Variants in LAMC1 observed in about 807,000 individuals in gnomAD.
The protein encoded by LAMC1 is laminin subunit gamma-1.
LAMC1 carries 38 observed loss-of-function variants against 173.6 expected under a neutral mutation model. The ratio of observed to expected loss-of-function variants is 0.22; its 90% CI spans 0.17 to 0.29. The LOEUF (loss-of-function observed/expected upper bound fraction) is 0.29. LAMC1 is among the 10% of genes least tolerant of loss of function. The pLI, the probability that LAMC1 is intolerant of heterozygous loss-of-function variation, is 1.00. For synonymous variants in LAMC1, 746 were observed against 749.1 expected (o/e 1.00, Z 0.07); for missense variants, 1,824 against 2,051.8 (o/e 0.89, Z 2.14).
In LAMC1 at chr1:183,024,152, C is replaced by T. The variant is rs762094008; in HGVS notation, c.418+18C>T. 2.6e-6 allele frequency: 4 copies of T among 1,533,278 alleles called. No homozygotes were observed. The highest frequency in any genetic ancestry group is 2.7e-5 in the African/African-American group (2 of 72,972). 95.0% of individuals were successfully genotyped at this position (1,533,278 alleles called of 1,614,324 possible). A position where few individuals can be genotyped will look rare whatever the true frequency, so the allele number is the denominator to read the frequency against. On this transcript the variant is annotated intron_variant, in intron 1 of 27. Transcript: ENST00000258341. ...GCACCTGGGTAAGCGGTGACAGCCCCGTCCCCTGCTACTGCTCGCCAGCAG... is the reference window on the plus strand; with the variant it reads ...GCACCTGGGTAAGCGGTGACAGCCCTGTCCCCTGCTACTGCTCGCCAGCAG...
chr1:183,115,935 T>G (rs567338724), intron 6 of LAMC1, among the ~76,000 whole-genome samples: 1 of 152,006 alleles, frequency 6.6e-6, no homozygotes, highest in African/African-American at 2.4e-5. Context: ...GGTCAGGAGA[T>G]CAAGACCATG....
rs779765389 is a variant in LAMC1 at position 183,142,593 on chromosome 1, G to A, written c.4633G>A (p.Ala1545Thr). The A allele has an allele frequency of 3.1e-6, 5 of 1,614,100 alleles. No homozygotes were observed. The East Asian group carries it at 8.9e-5, about 29-fold the overall frequency. The change falls in exon 28 of 28, where the codon GCC becomes ACC. Residue 1545 changes from alanine (A) to threonine (T), a missense_variant. Coordinates refer to ENST00000258341, the MANE Select transcript of LAMC1 (RefSeq NM_002293.4). Reference sequence around the variant, plus strand: ...CGAGATTGAAGGCACCCTAAACAAAGCCAAAGATGAAATGAAGGTCAGCGA... The same window carrying A: ...CGAGATTGAAGGCACCCTAAACAAAACCAAAGATGAAATGAAGGTCAGCGA... ...LNEIEGTLNK[A>T]KDEMKVSDLD... is the part of the protein sequence containing the mutation.
chr1:183,113,324 A>C (rs1294471197), intron 4 of LAMC1, among the ~76,000 whole-genome samples: 1 of 152,150 alleles, frequency 6.6e-6, no homozygotes, highest in Non-Finnish European at 1.5e-5. Flanking sequence ...AACAAATCAA[A>C]ATGTGTTCAT....
chr1:183,082,463 A>G lies in LAMC1; in HGVS notation c.419-20865A>G, dbSNP rs371252778. Among the ~76,000 whole-genome samples, 122 of 152,322 alleles carry G rather than the reference A, an allele frequency of 8.0e-4. 1 individual carries two copies. In the Middle Eastern group the frequency reaches 0.024, roughly 30 times the overall value. ...TTCCTTGTGGAGATATCATTATGGC[A>G]AAGGACCATGAAGCACGGTAAAGCA... On this transcript the variant is annotated intron_variant, in intron 1 of 27. Coordinates refer to ENST00000258341, the MANE Select transcript of LAMC1 (RefSeq NM_002293.4).
chr1:183,129,216 C>T (rs1473434203), intron 18 of LAMC1, among the ~76,000 whole-genome samples: 1 of 149,450 alleles, frequency 6.7e-6, no homozygotes, highest in Non-Finnish European at 1.5e-5. Flanking sequence ...CTCCCAAGTA[C>T]CTGGGACTAC....
chr1:183,141,559 A>G (rs939144836), intron 27 of LAMC1, among the ~76,000 whole-genome samples: 2 of 152,208 alleles, frequency 1.3e-5, no homozygotes, highest in South Asian at 2.1e-4. Flanking sequence ...TAAAGTGTCA[A>G]CACTCTAGCC....
chr1:183,026,178 A>C (rs1214380863), intron 1 of LAMC1, among the ~76,000 whole-genome samples: 1 of 152,214 alleles, frequency 6.6e-6, no homozygotes, highest in Non-Finnish European at 1.5e-5. Context: ...AAATTCATAA[A>C]ACTATGAGTT....
In LAMC1 at chr1:183,111,706, A is replaced by G. The variant is rs1656158595; in HGVS notation, c.1021+1052A>G. 3.3e-5 allele frequency among the ~76,000 whole-genome samples: 5 copies of G among 152,224 alleles called. No homozygotes were observed. The South Asian group carries it at 1.0e-3, about 32-fold the overall frequency. ...TATTGTTTATCATATTCTGTTAAGA[A>G]TAAAGAGAAAAAGAAGATACTCTTA... On this transcript the variant is annotated intron_variant, in intron 4 of 27. Coordinates refer to ENST00000258341, the MANE Select transcript of LAMC1 (RefSeq NM_002293.4).
intron 18 of LAMC1, 106 bp from the exon 19 acceptor site, chr1:183,130,238 G>A: frequency 1.0e-6 from 1 of 970,618 alleles, no homozygotes; most frequent in Admixed American, 2.2e-5. Flanking sequence ...CTGGCAGAAA[G>A]TTGCGATGTT....
chr1:183,027,301 A>C (rs1026853546), intron 1 of LAMC1, among the ~76,000 whole-genome samples: 1 of 152,146 alleles, frequency 6.6e-6, no homozygotes, highest in Admixed American at 6.5e-5. Context: ...TTCTAAGAAG[A>C]AGTCTTTTTT....
At chr1:183,104,011 C>A (rs1655903944) in intron 2 of LAMC1, among the ~76,000 whole-genome samples, 1 of 152,094 alleles carries the variant, frequency 6.6e-6, no homozygotes, top group Admixed American at 6.5e-5. Context: ...TCTTTTCTTG[C>A]CTATTTTTTG....
chr1:183,098,304 C>G (rs376830449), intron 1 of LAMC1, among the ~76,000 whole-genome samples: 2 of 152,180 alleles, frequency 1.3e-5, no homozygotes, highest in Non-Finnish European at 2.9e-5. Flanking sequence ...TGTTCCAGTT[C>G]TGGTTGTAGT....
chr1:183,119,913 G>A (rs1177058875), intron 11 of LAMC1, among the ~76,000 whole-genome samples: 1 of 152,084 alleles, frequency 6.6e-6, no homozygotes, highest in African/African-American at 2.4e-5. Context: ...ACTCATGCCT[G>A]TAATTCCAGT....
intron 1 of LAMC1, among the ~76,000 whole-genome samples, chr1:183,032,376 T>G (rs1047995574): frequency 6.6e-6 from 1 of 152,238 alleles, no homozygotes; most frequent in Non-Finnish European, 1.5e-5. Flanking sequence ...CTTTTACTCT[T>G]TGTTTCCATC....
chr1:183,085,559 G>A (rs1017770851), intron 1 of LAMC1, among the ~76,000 whole-genome samples: 3 of 151,896 alleles, frequency 2.0e-5, no homozygotes, highest in African/African-American at 7.3e-5. Flanking sequence ...TGTAGAGATG[G>A]GGTTTTACCA....
intron 21 of LAMC1, 48 bp downstream of exon 21, chr1:183,132,585 A>G (rs778581555): frequency 4.8e-5 from 69 of 1,444,226 alleles, no homozygotes; most frequent in Non-Finnish European, 6.0e-5. Flanking sequence ...TGTTCTGGTA[A>G]GTAACACTAG....
At position 183,143,061 on chromosome 1, in the gene LAMC1, G is replaced by A; in HGVS notation, c.*271G>A. The A allele has an allele frequency of 5.2e-6, 2 of 385,868 alleles. No homozygotes were observed. The highest frequency in any genetic ancestry group is 5.3e-5 in the East Asian group (1 of 18,822). 23.9% of individuals were successfully genotyped at this position (385,868 alleles called of 1,614,324 possible). A position where few individuals can be genotyped will look rare whatever the true frequency, so the allele number is the denominator to read the frequency against. On this transcript the variant is annotated 3_prime_UTR_variant, in exon 28 of 28. Coordinates refer to ENST00000258341, the MANE Select transcript of LAMC1 (RefSeq NM_002293.4). ...CCCTTCTGATTTGCGTGAGGACGTG[G>A]CATCCTACGTTACTGTACAGTGGCA... is the stretch of plus-strand genomic sequence containing the variant.
intron 1 of LAMC1, among the ~76,000 whole-genome samples, chr1:183,094,296 C>G (rs1294709376): frequency 6.6e-6 from 1 of 152,226 alleles, no homozygotes; most frequent in Non-Finnish European, 1.5e-5. Flanking sequence ...CAGGACTCTG[C>G]TCAGATTTCA....
chr1:183,105,224 C>CAAAAAAAAAAAA (rs35512159), intron 2 of LAMC1, among the ~76,000 whole-genome samples: 1 of 42,832 alleles, frequency 2.3e-5, no homozygotes, highest in Non-Finnish European at 4.3e-5. Context: ...GACTCCATCT[C>CAAAAAAAAAAAA]AAAAAAAAAA....
Sources: allele counts gnomAD v4.1 joint callset (sites outside exome capture counted in the v4.1 genomes callset), GRCh38; gene constraint gnomAD v4.1.1; transcripts MANE v1.5; gene names NCBI Gene and HGNC (gene_info 2026-07-23, HGNC 2026-07-21).